WRN: variants seen among roughly 807,000 people sequenced by gnomAD.
WRN encodes bifunctional 3'-5' exonuclease/ATP-dependent helicase WRN.
Under a neutral mutation model 180.7 loss-of-function variants are expected in WRN, and 149 were observed. That is an observed-to-expected ratio of 0.82 (90% confidence interval 0.72 to 0.94). The LOEUF (loss-of-function observed/expected upper bound fraction) is 0.94, where lower values mean the gene tolerates loss of function less well. Ranked by LOEUF, WRN falls within the 40% of genes least tolerant of loss-of-function variation. The pLI is 0.00. For synonymous variants in WRN, 548 were observed against 568.9 expected (o/e 0.96, Z 0.52); for missense variants, 1,661 against 1,700.1 (o/e 0.98, Z 0.40).
intron 26 of WRN, among the ~76,000 whole-genome samples, chr8:31,142,363 C>CT: frequency 6.6e-6 from 1 of 152,266 alleles, no homozygotes; most frequent in East Asian, 1.9e-4. Flanking sequence ...ATCATATTTA[C>CT]TTCTGGTGTG....
intron 1 of WRN, among the ~76,000 whole-genome samples, chr8:31,057,064 T>C (rs1812301441): frequency 6.6e-6 from 1 of 152,226 alleles, no homozygotes; most frequent in South Asian, 2.1e-4. Context: ...ATTTGTTTGA[T>C]AAAAGTATTC....
chr8:31,133,185 CCT>C (rs1802253972), intron 24 of WRN, among the ~76,000 whole-genome samples: 1 of 151,960 alleles, frequency 6.6e-6, no homozygotes, highest in Non-Finnish European at 1.5e-5. Context: ...GATTTTTTCC[CCT>C]GATTTAGAAG....
chr8:31,139,383 C>T (rs747831923), intron 24 of WRN, among the ~76,000 whole-genome samples: 1 of 152,074 alleles, frequency 6.6e-6, no homozygotes, highest in Non-Finnish European at 1.5e-5. Context: ...TCAAATTGCT[C>T]ATAATCATTC....
In WRN at chr8:31,080,983, C is replaced by G; in HGVS notation, c.956C>G (p.Ser319Cys). The G allele has an allele frequency of 6.2e-7, 1 of 1,613,846 alleles. No individual in the cohort carries two copies. Among genetic ancestry groups the G allele is most frequent in the African/African-American group, 1.3e-5 (1 of 74,984 alleles). Residue 319 changes from serine to cysteine, a missense_variant, in exon 9 of 35, where the codon TCC becomes TGC. Coordinates refer to ENST00000298139, the MANE Select transcript of WRN (RefSeq NM_000553.6). ...CCCAGCAATAATTTAAACTTATTAT[C>G]CTTTGAAGATTCAACTACTGGGGGA... is the stretch of plus-strand genomic sequence containing the variant. ...LRPSNNLNLL[S>C]FEDSTTGGVQ...
chr8:31,161,729 C>T (rs11778975), intron 33 of WRN, among the ~76,000 whole-genome samples: 50,916 of 150,074 alleles, frequency 0.34, 9,394 homozygotes, highest in East Asian at 0.62. Context: ...ATCCCAGCTA[C>T]TCAGGAGGCT....
intron 19 of WRN, among the ~76,000 whole-genome samples, chr8:31,115,993 T>C (rs1306385085): frequency 1.3e-5 from 2 of 152,204 alleles, no homozygotes; most frequent in African/African-American, 4.8e-5. Flanking sequence ...TTGTAAACCC[T>C]CACCAGACTA....
intron 11 of WRN, among the ~76,000 whole-genome samples, chr8:31,087,420 T>C (rs1034592024): frequency 1.3e-5 from 2 of 152,180 alleles, no homozygotes; most frequent in African/African-American, 4.8e-5. Context: ...AAAAATAACA[T>C]TAAAATCCAC....
rs3213197 is a variant in WRN at position 31,064,610 on chromosome 8, A to G, written c.355+176A>G. Among the ~76,000 whole-genome samples the G allele has an allele frequency of 0.045, 6,804 of 152,292 alleles. 183 individuals are homozygous for G. Among genetic ancestry groups the G allele is most frequent in the South Asian group, 0.079 (382 of 4,826 alleles). On this transcript the variant is annotated intron_variant, in intron 4 of 34. Coordinates refer to ENST00000298139, the MANE Select transcript of WRN (RefSeq NM_000553.6). ...CCTTGTTTTATTTAATTTTCACAAC[A>G]TACCTGTGAGGCATTGACATTTTTT... is the stretch of plus-strand genomic sequence containing the variant.
intron 20 of WRN, 55 bp from the exon 21 acceptor site, chr8:31,120,188 A>T: frequency 1.2e-6 from 2 of 1,601,036 alleles, no homozygotes; most frequent in Admixed American, 3.3e-5. Flanking sequence ...GTATAAATGT[A>T]AGGTTTTCAT....
intron 10 of WRN, among the ~76,000 whole-genome samples, chr8:31,084,738 G>A (rs1813456735): frequency 6.6e-6 from 1 of 152,120 alleles, no homozygotes; most frequent in Non-Finnish European, 1.5e-5. Flanking sequence ...AGATATTACA[G>A]TCAGTAGTTT....
chr8:31,172,645 C>T (rs1360960396), intron 34 of WRN, among the ~76,000 whole-genome samples: 1 of 152,174 alleles, frequency 6.6e-6, no homozygotes, highest in Non-Finnish European at 1.5e-5. Flanking sequence ...AGGCATGTTC[C>T]TTCCTCAGAA....
In WRN at chr8:31,064,336, C is replaced by T; in HGVS notation, c.257C>T (p.Pro86Leu). 2 of 1,614,008 alleles carry T rather than the reference C, an allele frequency of 1.2e-6. No homozygotes were observed. Among genetic ancestry groups the T allele is most frequent in the Non-Finnish European group, 1.7e-6 (2 of 1,179,974 alleles). ...GTGGTGGGATTTGACATGGAGTGGC[C>T]ACCATTATACAATAGAGGGAAACTT... ...GDVVGFDMEW[P>L]PLYNRGKLGK... Residue 86 changes from proline to leucine, a missense_variant, in exon 4 of 35, where the codon CCA (proline) becomes CTA (leucine). Coordinates refer to ENST00000298139, the MANE Select transcript of WRN (RefSeq NM_000553.6).
intron 18 of WRN, among the ~76,000 whole-genome samples, chr8:31,103,809 G>C (rs7836651): frequency 6.6e-6 from 1 of 151,696 alleles, no homozygotes; most frequent in African/African-American, 2.4e-5. Context: ...ATCTCGGCTC[G>C]CTGCAAGCTC....
Position 31,142,417 on chromosome 8 carries a change from C to G in WRN, c.3234-209C>G, listed in dbSNP as rs146897098. On this transcript the variant is annotated intron_variant, in intron 26 of 34. Transcript: ENST00000298139. Reference sequence around the variant, plus strand: ...ACATTTGTTGCTTACTTTTTTGTACCTTTACATGTGATTGATCACTTGTGA... The same window carrying G: ...ACATTTGTTGCTTACTTTTTTGTACGTTTACATGTGATTGATCACTTGTGA... 2.0e-3 allele frequency among the ~76,000 whole-genome samples: 302 copies of G among 152,066 alleles called. 1 individual carries two copies. The highest frequency in any genetic ancestry group is 7.0e-3 in the African/African-American group (289 of 41,504).
intron 18 of WRN, among the ~76,000 whole-genome samples, chr8:31,102,148 C>A (rs1049469566): frequency 2.0e-5 from 3 of 152,174 alleles, no homozygotes; most frequent in African/African-American, 7.2e-5. Flanking sequence ...TGTGTAACTA[C>A]CACTGCAGTC....
At chr8:31,106,556 C>T (rs1801104405) in intron 18 of WRN, among the ~76,000 whole-genome samples, 1 of 152,102 alleles carries the variant, frequency 6.6e-6, no homozygotes, top group African/African-American at 2.4e-5. Context: ...CTGGGCTTTG[C>T]GCCTGCTGCT....
intron 19 of WRN, among the ~76,000 whole-genome samples, chr8:31,115,654 A>G (rs1157817384): frequency 6.6e-6 from 1 of 152,166 alleles, no homozygotes; most frequent in African/African-American, 2.4e-5. Context: ...TCTTTTTTAT[A>G]TTGTCAGCAT....
intron 5 of WRN, among the ~76,000 whole-genome samples, chr8:31,065,655 G>A (rs1394302408): frequency 6.6e-6 from 1 of 152,024 alleles, no homozygotes; most frequent in Admixed American, 6.6e-5. Flanking sequence ...GGGCATTTAG[G>A]CTGATTCCAT....
intron 1 of WRN, among the ~76,000 whole-genome samples, chr8:31,055,880 AATCCT>A (rs1311761059): frequency 2.0e-5 from 3 of 152,220 alleles, no homozygotes; most frequent in African/African-American, 7.2e-5. Context: ...CAGGAATTAC[AATCCT>A]CACGTATGGT....
Sources: gnomAD v4.1 joint callset for allele counts (sites outside exome capture counted in the v4.1 genomes callset) on GRCh38, gnomAD v4.1.1 for gene constraint, MANE v1.5 for transcripts, NCBI Gene and HGNC (gene_info 2026-07-23, HGNC 2026-07-21) for gene names.